The following CCNG2 variants were observed in gnomAD, a reference collection of about 807,000 sequenced individuals.
The protein encoded by CCNG2 is cyclin G2.
In CCNG2, 20 loss-of-function variants were observed where a neutral mutation model predicts 36.5. That is an observed-to-expected ratio of 0.55 (90% CI 0.39 to 0.80). CCNG2 has a LOEUF of 0.80. CCNG2 is among the 30% of genes least tolerant of loss of function. CCNG2 has a pLI of 0.00. For missense variants in CCNG2, 358 were observed against 390.8 expected (o/e 0.92, Z 0.71); for synonymous variants, 155 against 140.1 (o/e 1.11, Z -0.75).
rs532345663 is a variant in CCNG2 at position 77,162,616 on chromosome 4, C to A, written c.705+869C>A. Among the ~76,000 whole-genome samples, 13 of 152,148 alleles carry A rather than the reference C, an allele frequency of 8.5e-5. No homozygotes were observed. In the South Asian group the frequency reaches 2.5e-3, roughly 29 times the overall value. ...CAGGCCGGTCTTGAACTCCTGACTT[C>A]AAGTGATCCCACCTGCCTTGGCCTC... On this transcript the variant is annotated intron_variant, in intron 6 of 7. Coordinates refer to ENST00000316355, the MANE Select transcript of CCNG2 (RefSeq NM_004354.3).
At chr4:77,164,638 AAGT>A (rs1731578927) in intron 7 of CCNG2, 159 bp downstream of exon 7, 1 of 566,382 alleles carries the variant, frequency 1.8e-6, no homozygotes, top group East Asian at 2.9e-5. Flanking sequence ...AATTAACCAG[AAGT>A]AGTATTTTAA....
chr4:77,160,420 A>G (rs1000278426), intron 3 of CCNG2, among the ~76,000 whole-genome samples: 10 of 145,034 alleles, frequency 6.9e-5, no homozygotes, highest in East Asian at 2.0e-4. Flanking sequence ...TAGTCTTGCT[A>G]TGTTGGCCAG....
rs1391916837 is a variant in CCNG2, at chr4:77,169,290, G to A, written c.*3366G>A. 2 of 152,154 alleles carry A rather than the reference G, an allele frequency of 1.3e-5. No individual in the cohort carries two copies. Among genetic ancestry groups the A allele is most frequent in the East Asian group, 3.8e-4 (2 of 5,198 alleles). 9.4% of individuals were successfully genotyped at this position (152,154 alleles called of 1,614,324 possible). ...CACATGCAAATTGTCAGCTTATTGA[G>A]ACAACCCACTTAGATTCATATATGG... On this transcript the variant is annotated 3_prime_UTR_variant, in exon 8 of 8. Coordinates refer to ENST00000316355, the MANE Select transcript of CCNG2 (RefSeq NM_004354.3).
At chr4:77,165,675 C>G (rs959793777) in intron 7 of CCNG2, 126 bp from the exon 8 acceptor site, 29 of 746,326 alleles carry the variant, frequency 3.9e-5, no homozygotes, top group Non-Finnish European at 5.4e-5. Flanking sequence ...AATTTTGTCT[C>G]TGTAAAGCAT....
Position 77,159,944 on chromosome 4 carries a change from C to T in CCNG2, c.276+440C>T, listed in dbSNP as rs1731382497. Reference sequence around the variant, plus strand: ...AAGCAGGGAGCCATGGTTTTATTAACAGTCACCAGCAATGGCTAGAAAAAT... The same window carrying T: ...AAGCAGGGAGCCATGGTTTTATTAATAGTCACCAGCAATGGCTAGAAAAAT... On this transcript the variant is annotated intron_variant, in intron 3 of 7. Transcript: ENST00000316355. Among the ~76,000 whole-genome samples the T allele has an allele frequency of 2.0e-5, 3 of 152,202 alleles. No individual in the cohort carries two copies. In the East Asian group the frequency reaches 5.8e-4, roughly 29 times the overall value.
intron 1 of CCNG2, 187 bp from the exon 2 acceptor site, chr4:77,158,346 C>G: frequency 1.7e-6 from 1 of 586,100 alleles, no homozygotes; most frequent in African/African-American, 1.9e-5. Flanking sequence ...CCTCCCCCTG[C>G]CACACCTCCC....
rs1463868117 is a variant in CCNG2, at chr4:77,165,918, A to T, written c.1029A>T (p.Pro343=). The change falls in exon 8 of 8, where the codon CCA becomes CCT. Residue 343 remains proline, a synonymous_variant. Transcript: ENST00000316355. ...AAGTGGCACAAACACTGTGCTTTCC[A>T]TCTTAGAAATCTGATTGTTCTGTCA... ...NFKVAQTLCF[P]S 5.0e-6 allele frequency: 8 copies of T among 1,594,944 alleles called. No homozygotes were observed. Among genetic ancestry groups the T allele is most frequent in the Non-Finnish European group, 6.8e-6 (8 of 1,174,634 alleles).
chr4:77,163,001 G>A (rs1731528171), intron 6 of CCNG2, among the ~76,000 whole-genome samples: 1 of 152,018 alleles, frequency 6.6e-6, no homozygotes, highest in Admixed American at 6.5e-5. Context: ...AGCATAATTG[G>A]CAGGAAATTT....
rs1731629737 is a variant in CCNG2 at position 77,166,161 on chromosome 4, C to T, written c.*237C>T. 4 of 298,088 alleles carry T rather than the reference C, an allele frequency of 1.3e-5. No individual in the cohort carries two copies. The highest frequency in any genetic ancestry group is 2.5e-5 in the Non-Finnish European group (4 of 162,514). 18.5% of individuals were successfully genotyped at this position (298,088 alleles called of 1,614,324 possible). ...TTAGACATTGGCACTTTATTTTTCT[C>T]GTAGATCTTTAGCTACTTTGGGGAG... On this transcript the variant is annotated 3_prime_UTR_variant, in exon 8 of 8. Transcript: ENST00000316355.
rs1254886571 is a variant in CCNG2 at position 77,159,448 on chromosome 4, A to C, written c.220A>C (p.Thr74Pro). 6.2e-7 allele frequency: 1 copy of C among 1,613,898 alleles called. No homozygotes were observed. Among genetic ancestry groups the C allele is most frequent in the Non-Finnish European group, 8.5e-7 (1 of 1,179,958 alleles). The change falls in exon 3 of 8, where the codon ACT becomes CCT. Residue 74 changes from threonine to proline, a missense_variant. Thr to Pro is a conservative substitution (Grantham distance 38). Coordinates refer to ENST00000316355, the MANE Select transcript of CCNG2 (RefSeq NM_004354.3). Reference protein sequence around the residue: ...RSLANFFGSCTETFVLAVNIL... With the variant: ...RSLANFFGSCPETFVLAVNIL... ...TTTAGCCAACTTTTTTGGATCTTGC[A>C]CTGAAACTTTTGTCCTGGCTGTCAA... is the stretch of plus-strand genomic sequence containing the variant.
intron 6 of CCNG2, among the ~76,000 whole-genome samples, chr4:77,162,639 C>T (rs1359064013): frequency 6.6e-6 from 1 of 152,004 alleles, no homozygotes; most frequent in Non-Finnish European, 1.5e-5. Flanking sequence ...CTGCCTTGGC[C>T]TCCCAAAGTG....
intron 3 of CCNG2, among the ~76,000 whole-genome samples, chr4:77,160,359 CTTT>C (rs11353018): frequency 1.6e-4 from 23 of 142,884 alleles, no homozygotes; most frequent in African/African-American, 4.2e-4. Flanking sequence ...GTTCAAAAAA[CTTT>C]TTTTTTTTTT....
At chr4:77,162,094 C>T (rs1731454415) in intron 6 of CCNG2, among the ~76,000 whole-genome samples, 1 of 152,162 alleles carries the variant, frequency 6.6e-6, no homozygotes, top group Non-Finnish European at 1.5e-5. Context: ...GGATGGGATC[C>T]CATCACACCT....
chr4:77,159,095 C>T (rs1025666977), intron 2 of CCNG2, among the ~76,000 whole-genome samples: 1 of 152,208 alleles, frequency 6.6e-6, no homozygotes, highest in Non-Finnish European at 1.5e-5. Context: ...TGCTATAACT[C>T]TCTGAAATCT....
chr4:77,159,222 C>G (rs1731359583), intron 2 of CCNG2, 145 bp from the exon 3 acceptor site: 3 of 660,402 alleles, frequency 4.5e-6, no homozygotes, highest in Non-Finnish European at 5.1e-6. Flanking sequence ...AGCGATACCA[C>G]TCTTTCCACC....
At chr4:77,164,204 C>T in intron 6 of CCNG2, 70 bp from the exon 7 acceptor site, 2 of 1,104,750 alleles carry the variant, frequency 1.8e-6, no homozygotes, top group East Asian at 2.4e-5. Context: ...TCATAGCTCA[C>T]CTAGTGATTC....
intron 6 of CCNG2, among the ~76,000 whole-genome samples, chr4:77,163,751 G>A (rs4150084): frequency 0.086 from 13,123 of 152,204 alleles, 635 homozygotes; most frequent in African/African-American, 0.12. Flanking sequence ...TGTCCTTTTT[G>A]GGAAATTCCT....
At chr4:77,165,553 C>G (rs1168567372) in intron 7 of CCNG2, among the ~76,000 whole-genome samples, 1 of 151,924 alleles carries the variant, frequency 6.6e-6, no homozygotes, top group Non-Finnish European at 1.5e-5. Flanking sequence ...GCGATCTGCA[C>G]ACTTCGGCCT....
intron 6 of CCNG2, among the ~76,000 whole-genome samples, chr4:77,162,370 T>G (rs1291043776): frequency 6.8e-6 from 1 of 146,206 alleles, no homozygotes; most frequent in Admixed American, 7.4e-5. Flanking sequence ...TAGAGAGTAC[T>G]TTGGGATTTT....
Sources: gnomAD v4.1 joint callset for allele counts (sites outside exome capture counted in the v4.1 genomes callset) on GRCh38, gnomAD v4.1.1 for gene constraint, MANE v1.5 for transcripts, NCBI Gene and HGNC (gene_info 2026-07-23, HGNC 2026-07-21) for gene names.